The following ODR4 variants were observed in gnomAD, a reference collection of about 807,000 sequenced individuals.
The protein encoded by ODR4 is protein odr-4 homolog.
ODR4 carries 47 observed loss-of-function variants against 60.2 expected under a neutral mutation model. The ratio of observed to expected loss-of-function variants is 0.78; its 90% CI spans 0.62 to 1.00. The LOEUF (loss-of-function observed/expected upper bound fraction) is 1.00. Among genes scored for constraint, ODR4 ranks in the 50% least tolerant of loss-of-function variants. The probability of loss-of-function intolerance (pLI) is 0.00; values close to 1 mark genes in which losing one functional copy is unlikely to be tolerated. For synonymous variants in ODR4, 178 were observed against 175.5 expected, an observed-to-expected ratio of 1.01 and a Z score of -0.11; for missense variants, 488 against 530.8, an observed-to-expected ratio of 0.92 and a Z score of 0.79.
chr1:186,393,547 T>C (rs1660550014), intron 8 of ODR4, among the ~76,000 whole-genome samples: 1 of 152,230 alleles, frequency 6.6e-6, no homozygotes, highest in African/African-American at 2.4e-5. Context: ...CAGCAAACTT[T>C]ATGTGAAGAG....
At chr1:186,400,999 A>G in intron 11 of ODR4, 4 of 1,550,198 alleles carry the variant, frequency 2.6e-6, no homozygotes, top group Non-Finnish European at 3.5e-6. Context: ...GGTTCTGAGC[A>G]ACAGTGTATA....
intron 12 of ODR4, among the ~76,000 whole-genome samples, chr1:186,416,855 C>CAAAA (rs71104859): frequency 1.2e-5 from 1 of 85,706 alleles, no homozygotes; most frequent in Non-Finnish European, 2.2e-5. Flanking sequence ...GATTCTGTCT[C>CAAAA]AAAAAAAAAA....
chr1:186,384,178 T>C (rs1313108428), intron 3 of ODR4, among the ~76,000 whole-genome samples: 1 of 152,200 alleles, frequency 6.6e-6, no homozygotes, highest in Non-Finnish European at 1.5e-5. Flanking sequence ...GGCTGCAAGA[T>C]TGAGCATCTG....
the ODR4 span, among the ~76,000 whole-genome samples, chr1:186,430,175 A>G: frequency 1.3e-5 from 2 of 152,100 alleles, no homozygotes; most frequent in Non-Finnish European, 2.9e-5. Flanking sequence ...ATATTTGGGT[A>G]AATAACTATT....
chr1:186,383,704 T>C (rs1291686878), intron 3 of ODR4, among the ~76,000 whole-genome samples: 3 of 150,506 alleles, frequency 2.0e-5, no homozygotes, highest in East Asian at 1.9e-4. Flanking sequence ...TATATGGACA[T>C]ATATTTGTGT....
intron 11 of ODR4, among the ~76,000 whole-genome samples, chr1:186,400,225 C>T (rs574549689): frequency 2.6e-5 from 4 of 151,290 alleles, no homozygotes; most frequent in East Asian, 3.9e-4. Context: ...CTCCTGACCT[C>T]GTGATCCGCC....
intron 2 of ODR4, among the ~76,000 whole-genome samples, 183 bp downstream of exon 2, chr1:186,380,067 C>G (rs1021401412): frequency 3.3e-5 from 5 of 152,186 alleles, no homozygotes; most frequent in South Asian, 2.1e-4. Flanking sequence ...GAGAAGTAGA[C>G]AAACCTAGCC....
chr1:186,389,829 C>T (rs1412811309), intron 6 of ODR4, among the ~76,000 whole-genome samples: 1 of 152,156 alleles, frequency 6.6e-6, no homozygotes, highest in African/African-American at 2.4e-5. Flanking sequence ...ACTCTCTTGC[C>T]CAAGCTAGAG....
intron 8 of ODR4, among the ~76,000 whole-genome samples, chr1:186,392,945 C>T (rs900943263): frequency 3.3e-5 from 5 of 152,212 alleles, no homozygotes; most frequent in Non-Finnish European, 7.3e-5. Flanking sequence ...GTGGAGGTTG[C>T]ATTGAGCCGA....
intron 9 of ODR4, among the ~76,000 whole-genome samples, chr1:186,396,907 A>G (rs185793455): frequency 3.0e-4 from 46 of 152,288 alleles, no homozygotes; most frequent in African/African-American, 1.1e-3. Context: ...TATGGAGTAG[A>G]TAGGGGAAGC....
At chr1:186,394,371 G>C (rs2102044426) in intron 9 of ODR4, among the ~76,000 whole-genome samples, 1 of 152,196 alleles carries the variant, frequency 6.6e-6, no homozygotes, top group Non-Finnish European at 1.5e-5. Context: ...GGTGCAAAGA[G>C]TTGTCATATG....
intron 11 of ODR4, among the ~76,000 whole-genome samples, chr1:186,399,995 T>TC (rs1333518284): frequency 0.04 from 5,687 of 142,644 alleles, 364 homozygotes; most frequent in African/African-American, 0.14. Flanking sequence ...TTTTTCTTTT[T>TC]TTTTTTTTTT....
chr1:186,427,142 A>G, the ODR4 span, among the ~76,000 whole-genome samples: 1 of 152,176 alleles, frequency 6.6e-6, no homozygotes, highest in African/African-American at 2.4e-5. Context: ...TGGGGTGGCC[A>G]TGGCAATTTC....
At chr1:186,392,953 C>T (rs549771648) in intron 8 of ODR4, among the ~76,000 whole-genome samples, 23 of 152,230 alleles carry the variant, frequency 1.5e-4, no homozygotes, top group African/African-American at 3.9e-4. Flanking sequence ...TGCATTGAGC[C>T]GAGATCGTGC....
At chr1:186,386,504 G>T (rs1299314587) in intron 4 of ODR4, among the ~76,000 whole-genome samples, 2 of 151,978 alleles carry the variant, frequency 1.3e-5, no homozygotes, top group Non-Finnish European at 2.9e-5. Flanking sequence ...GTAAAATATT[G>T]AAAAATTCAA....
intron 8 of ODR4, among the ~76,000 whole-genome samples, chr1:186,393,334 C>A (rs954027195): frequency 1.2e-4 from 18 of 152,166 alleles, no homozygotes; most frequent in Admixed American, 9.8e-4. Flanking sequence ...AATCCTGAAA[C>A]TTTACAGGAG....
At chr1:186,399,994 T>TC (rs1660865388) in intron 11 of ODR4, among the ~76,000 whole-genome samples, 2 of 139,058 alleles carry the variant, frequency 1.4e-5, no homozygotes, top group Non-Finnish European at 3.1e-5. Flanking sequence ...TTTTTTCTTT[T>TC]TTTTTTTTTT....
intron 2 of ODR4, among the ~76,000 whole-genome samples, chr1:186,381,645 T>C (rs1447448080): frequency 2.0e-5 from 3 of 152,134 alleles, no homozygotes; most frequent in Admixed American, 1.3e-4. Flanking sequence ...TCCTTCTATC[T>C]CTTTTTATGC....
intron 12 of ODR4, among the ~76,000 whole-genome samples, chr1:186,406,510 C>T (rs2102072658): frequency 6.6e-6 from 1 of 152,126 alleles, no homozygotes; most frequent in South Asian, 2.1e-4. Context: ...TCAAGCTTAG[C>T]AAGTAGATCT....
Sources: allele counts gnomAD v4.1 joint callset (sites outside exome capture counted in the v4.1 genomes callset), GRCh38; gene constraint gnomAD v4.1.1; transcripts MANE v1.5; gene names NCBI Gene and HGNC (gene_info 2026-07-23, HGNC 2026-07-21).